LRMDA: variants seen among roughly 807,000 people sequenced by gnomAD.
LRMDA encodes leucine-rich melanocyte differentiation-associated protein.
LRMDA carries 18 observed loss-of-function variants against 29.8 expected under a neutral mutation model. The observed-to-expected ratio is 0.60, with a 90% CI of 0.42 to 0.90. The LOEUF (loss-of-function observed/expected upper bound fraction) is 0.90. Among genes scored for constraint, LRMDA ranks in the 40% least tolerant of loss-of-function variants. The pLI is 0.00. For synonymous variants in LRMDA, 125 were observed against 109.4 expected (o/e 1.14, Z -0.89); for missense variants, 273 against 273.9 (o/e 1.00, Z 0.02).
intron 6 of LRMDA, among the ~76,000 whole-genome samples, chr10:76,413,979 A>C (rs1053922591): frequency 1.1e-4 from 17 of 152,242 alleles, no homozygotes; most frequent in Non-Finnish European, 1.9e-4. Flanking sequence ...CCAAGAAGGC[A>C]ACTCTCCTGA....
intron 2 of LRMDA, among the ~76,000 whole-genome samples, chr10:75,799,766 G>T (rs1447951884): frequency 1.3e-5 from 2 of 150,858 alleles, no homozygotes; most frequent in African/African-American, 4.9e-5. Context: ...GGCTAGTCTT[G>T]AACTCCTGGC....
chr10:75,776,215 T>G (rs1211203627), intron 2 of LRMDA, among the ~76,000 whole-genome samples: 1 of 152,146 alleles, frequency 6.6e-6, no homozygotes, highest in African/African-American at 2.4e-5. Flanking sequence ...GAGAAAGCCT[T>G]TTACAACTGC....
intron 5 of LRMDA, among the ~76,000 whole-genome samples, chr10:76,121,999 G>C (rs1849798239): frequency 6.6e-6 from 1 of 152,162 alleles, no homozygotes. Flanking sequence ...AGTGGTAAGA[G>C]AGACAGATAA....
chr10:76,089,730 G>A (rs551846635), intron 5 of LRMDA, among the ~76,000 whole-genome samples: 1 of 152,218 alleles, frequency 6.6e-6, no homozygotes, highest in South Asian at 2.1e-4. Flanking sequence ...AACAACCACA[G>A]CCTCCCTCCC....
At chr10:75,657,064 C>T (rs1432567511) in intron 2 of LRMDA, among the ~76,000 whole-genome samples, 1 of 152,162 alleles carries the variant, frequency 6.6e-6, no homozygotes, top group African/African-American at 2.4e-5. Context: ...TCAGACTTGG[C>T]ACCAGGGAAA....
intron 5 of LRMDA, among the ~76,000 whole-genome samples, chr10:76,204,391 T>C (rs957851321): frequency 1.5e-4 from 23 of 152,228 alleles, no homozygotes; most frequent in African/African-American, 5.1e-4. Flanking sequence ...CTATTCCATA[T>C]GCCTGTCCAC....
At chr10:76,503,048 T>G (rs912537508) in intron 6 of LRMDA, among the ~76,000 whole-genome samples, 1 of 151,990 alleles carries the variant, frequency 6.6e-6, no homozygotes, top group African/African-American at 2.4e-5. Context: ...AGATGGCTCT[T>G]ATTATTTTGA....
intron 2 of LRMDA, among the ~76,000 whole-genome samples, chr10:75,953,682 A>G (rs1589265246): frequency 6.6e-6 from 1 of 152,224 alleles, no homozygotes; most frequent in African/African-American, 2.4e-5. Context: ...ATTAGGGCTC[A>G]GAAATCCAAC....
chr10:76,536,083 T>A (rs1164670139), intron 6 of LRMDA: 1 of 152,196 alleles, frequency 6.6e-6, no homozygotes. Flanking sequence ...GGCATATAGA[T>A]ACCATTTTAA....
intron 4 of LRMDA, among the ~76,000 whole-genome samples, chr10:76,055,417 A>G (rs968271674): frequency 1.3e-5 from 2 of 152,250 alleles, no homozygotes; most frequent in Admixed American, 6.5e-5. Flanking sequence ...TTTTACCTGG[A>G]TAAGCATATG....
intron 5 of LRMDA, among the ~76,000 whole-genome samples, chr10:76,113,907 A>G (rs1849621711): frequency 6.6e-6 from 1 of 152,106 alleles, no homozygotes; most frequent in South Asian, 2.1e-4. Context: ...TTTTTTCCTG[A>G]AGGGATCGAG....
chr10:75,808,072 G>A (rs945189295), intron 2 of LRMDA, among the ~76,000 whole-genome samples: 1 of 152,122 alleles, frequency 6.6e-6, no homozygotes, highest in African/African-American at 2.4e-5. Flanking sequence ...CTTTGTCTTG[G>A]GGAATTTAAG....
intron 2 of LRMDA, among the ~76,000 whole-genome samples, chr10:75,852,071 A>G (rs1296065241): frequency 1.3e-5 from 2 of 152,326 alleles, no homozygotes; most frequent in East Asian, 3.9e-4. Context: ...CTTACAACTC[A>G]GACCCCATCA....
intron 2 of LRMDA, among the ~76,000 whole-genome samples, chr10:75,822,482 CAAAAA>C (rs1844179474): frequency 6.6e-6 from 1 of 151,744 alleles, no homozygotes; most frequent in African/African-American, 2.4e-5. Flanking sequence ...AATATGGAAC[CAAAAA>C]AAGCCTGAAT....
At chr10:76,002,879 T>G (rs1374772209) in intron 2 of LRMDA, among the ~76,000 whole-genome samples, 1 of 152,214 alleles carries the variant, frequency 6.6e-6, no homozygotes, top group Admixed American at 6.5e-5. Context: ...CTTCTGGGCC[T>G]GGGGATGATT....
At chr10:76,097,939 T>A (rs1170286883) in intron 5 of LRMDA, among the ~76,000 whole-genome samples, 1 of 152,194 alleles carries the variant, frequency 6.6e-6, no homozygotes, top group Non-Finnish European at 1.5e-5. Context: ...TTAGCATATC[T>A]ATTATCTCAC....
intron 6 of LRMDA, among the ~76,000 whole-genome samples, chr10:76,369,051 A>C (rs1372292936): frequency 6.6e-6 from 1 of 152,132 alleles, no homozygotes; most frequent in African/African-American, 2.4e-5. Flanking sequence ...GTTCTTATCC[A>C]TTCTGCTGTT....
At chr10:76,235,377 A>G (rs978662770) in intron 5 of LRMDA, among the ~76,000 whole-genome samples, 9 of 152,182 alleles carry the variant, frequency 5.9e-5, no homozygotes, top group East Asian at 1.9e-4. Context: ...ATGTTACCCA[A>G]ATTACCAAAA....
intron 5 of LRMDA, among the ~76,000 whole-genome samples, chr10:76,149,620 TGGCAGGGGTCTCC>T (rs1850399956): frequency 6.6e-6 from 1 of 152,202 alleles, no homozygotes; most frequent in Non-Finnish European, 1.5e-5. Context: ...CTACAAATTT[TGGCAGGGGTCTCC>T]GTAGTGTGAC....
Sources: gnomAD v4.1 joint callset for allele counts (sites outside exome capture counted in the v4.1 genomes callset) on GRCh38, gnomAD v4.1.1 for gene constraint, MANE v1.5 for transcripts, NCBI Gene and HGNC (gene_info 2026-07-23, HGNC 2026-07-21) for gene names.